DYM: variants seen among roughly 807,000 people sequenced by gnomAD.
DYM encodes the protein dyggve-Melchior-Clausen syndrome protein.
Under a neutral mutation model 93.1 loss-of-function variants are expected in DYM, and 78 were observed. That is an observed-to-expected ratio of 0.84 (90% CI 0.70 to 1.01). The LOEUF is 1.01. Among genes scored for constraint, DYM ranks in the 50% least tolerant of loss-of-function variants. The pLI is 0.00. For synonymous variants in DYM, 321 were observed against 319.7 expected (o/e 1.00, Z -0.04); for missense variants, 789 against 845.0 (o/e 0.93, Z 0.82).
intron 14 of DYM, among the ~76,000 whole-genome samples, chr18:49,180,882 A>G (rs1600395426): frequency 6.6e-6 from 1 of 152,176 alleles, no homozygotes; most frequent in South Asian, 2.1e-4. Flanking sequence ...ACCTATGGAA[A>G]AAGTCACCAT....
At chr18:49,081,286 A>G (rs833496) in intron 17 of DYM, among the ~76,000 whole-genome samples, 123,320 of 150,040 alleles carry the variant, frequency 0.82, 50,866 homozygotes, top group South Asian at 0.92. Context: ...CGGATCACTC[A>G]TGGTTAGGAG....
chr18:49,077,380 C>G (rs2077391140), intron 17 of DYM, among the ~76,000 whole-genome samples: 1 of 152,172 alleles, frequency 6.6e-6, no homozygotes, highest in African/African-American at 2.4e-5. Flanking sequence ...ATTTTTTAAA[C>G]TTATTGAGAT....
intron 13 of DYM, among the ~76,000 whole-genome samples, chr18:49,226,542 A>G (rs755444611): frequency 2.0e-5 from 3 of 152,176 alleles, no homozygotes; most frequent in Admixed American, 6.5e-5. Flanking sequence ...TTGTGGTCTA[A>G]TAAGCAAGGT....
chr18:49,323,212 A>G (rs149397884), intron 8 of DYM, among the ~76,000 whole-genome samples: 1 of 152,212 alleles, frequency 6.6e-6, no homozygotes, highest in East Asian at 1.9e-4. Flanking sequence ...CATAACAAAA[A>G]AACAAGTTAG....
intron 2 of DYM, among the ~76,000 whole-genome samples, chr18:49,395,321 A>G (rs1409427511): frequency 1.3e-5 from 2 of 152,182 alleles, no homozygotes; most frequent in African/African-American, 2.4e-5. Flanking sequence ...ATACCTAAAT[A>G]GACACCTCTC....
At chr18:49,133,396 G>C (rs140037523) in intron 15 of DYM, among the ~76,000 whole-genome samples, 1 of 152,066 alleles carries the variant, frequency 6.6e-6, no homozygotes. Context: ...AAATTTAGCC[G>C]CTTAAAACAA....
At chr18:49,293,006 G>A (rs375851320) in intron 8 of DYM, among the ~76,000 whole-genome samples, 13 of 152,156 alleles carry the variant, frequency 8.5e-5, no homozygotes, top group African/African-American at 3.1e-4. Flanking sequence ...GCCCTAATGT[G>A]TGATGTTCCC....
chr18:49,215,959 T>C (rs969348140), intron 13 of DYM, among the ~76,000 whole-genome samples: 20 of 104,818 alleles, frequency 1.9e-4, no homozygotes, highest in Admixed American at 7.8e-4. Context: ...ATTGCCTCAC[T>C]CGGGAAGCGC....
chr18:49,060,034 T>C (rs955416191), intron 17 of DYM, among the ~76,000 whole-genome samples: 10 of 152,184 alleles, frequency 6.6e-5, no homozygotes, highest in African/African-American at 2.2e-4. Flanking sequence ...ATATGAAATA[T>C]GGTCCCTGCC....
chr18:49,440,463 T>C, intron 1 of DYM, among the ~76,000 whole-genome samples: 1 of 99,520 alleles, frequency 1.0e-5, no homozygotes, highest in Admixed American at 1.4e-4. Context: ...TATATTTATA[T>C]AATATATGAC....
intron 10 of DYM, among the ~76,000 whole-genome samples, chr18:49,280,336 G>A (rs1030451686): frequency 9.2e-5 from 14 of 152,298 alleles, no homozygotes; most frequent in Non-Finnish European, 1.5e-4. Context: ...TGAGACTCCA[G>A]GGAGTGAGTT....
chr18:49,224,792 T>C (rs1334797355), intron 13 of DYM, among the ~76,000 whole-genome samples: 3 of 152,092 alleles, frequency 2.0e-5, no homozygotes, highest in Admixed American at 6.6e-5. Context: ...GTATATGCTA[T>C]TTTGTTATAG....
chr18:49,305,161 A>C (rs1222566848), intron 8 of DYM, among the ~76,000 whole-genome samples: 1 of 152,052 alleles, frequency 6.6e-6, no homozygotes, highest in East Asian at 1.9e-4. Flanking sequence ...TCAGTACTGA[A>C]ATCACTTTCT....
intron 15 of DYM, among the ~76,000 whole-genome samples, chr18:49,121,278 T>C (rs1201571248): frequency 6.6e-6 from 1 of 152,086 alleles, no homozygotes; most frequent in Non-Finnish European, 1.5e-5. Context: ...GTTTCAATAA[T>C]AGACTGGACA....
At chr18:49,057,730 T>C (rs747147004) in intron 17 of DYM, among the ~76,000 whole-genome samples, 24 of 152,222 alleles carry the variant, frequency 1.6e-4, no homozygotes, top group Non-Finnish European at 2.5e-4. Context: ...ATAAATACCA[T>C]GAAAACGAAG....
intron 12 of DYM, among the ~76,000 whole-genome samples, chr18:49,257,529 C>T (rs2094411654): frequency 6.6e-6 from 1 of 151,996 alleles, no homozygotes; most frequent in Admixed American, 6.5e-5. Flanking sequence ...TGCAATAGCC[C>T]CACGGAGGAA....
At chr18:49,392,398 G>A (rs2069366419) in intron 2 of DYM, among the ~76,000 whole-genome samples, 1 of 152,104 alleles carries the variant, frequency 6.6e-6, no homozygotes, top group East Asian at 1.9e-4. Context: ...ACTATCTACA[G>A]AGTGAAAAGT....
chr18:49,252,242 A>AAAAAAAAAAAAAAAAAG (rs71165373), intron 13 of DYM, among the ~76,000 whole-genome samples: 1 of 148,730 alleles, frequency 6.7e-6, no homozygotes, highest in Non-Finnish European at 1.5e-5. Context: ...AAAAAAAAAA[A>AAAAAAAAAAAAAAAAAG]GAACTGCCTG....
intron 3 of DYM, among the ~76,000 whole-genome samples, chr18:49,390,538 C>T (rs938962603): frequency 1.8e-4 from 27 of 151,806 alleles, no homozygotes; most frequent in South Asian, 1.2e-3. Flanking sequence ...GACAGAGTCT[C>T]GCTCTGTCGC....
Sources: allele counts gnomAD v4.1 joint callset (sites outside exome capture counted in the v4.1 genomes callset), GRCh38; gene constraint gnomAD v4.1.1; transcripts MANE v1.5; gene names NCBI Gene and HGNC (gene_info 2026-07-23, HGNC 2026-07-21).